CDKL2: variants seen among roughly 807,000 people sequenced by gnomAD.
CDKL2 encodes cyclin dependent kinase like 2, also known as cyclin-dependent kinase-like 2.
In CDKL2, 64 loss-of-function variants were observed where a neutral mutation model predicts 63.9. The observed-to-expected ratio is 1.00, with a 90% CI of 0.82 to 1.23. The LOEUF is 1.23. CDKL2 is among the 50% of genes most tolerant of loss of function. The probability of loss-of-function intolerance (pLI) is 0.00; values close to 1 mark genes in which losing one functional copy is unlikely to be tolerated. For synonymous variants in CDKL2, 211 were observed against 229.2 expected, an observed-to-expected ratio of 0.92 and a Z score of 0.72; for missense variants, 656 against 668.0, an observed-to-expected ratio of 0.98 and a Z score of 0.20.
At chr4:75,592,509 T>C (rs1200948366) in intron 10 of CDKL2, among the ~76,000 whole-genome samples, 1 of 152,210 alleles carries the variant, frequency 6.6e-6, no homozygotes, top group Admixed American at 6.5e-5. Flanking sequence ...TTTCTCCTTC[T>C]TCCTTTGCCA....
intron 4 of CDKL2, among the ~76,000 whole-genome samples, chr4:75,606,216 A>T (rs1303553682): frequency 7.6e-6 from 1 of 132,260 alleles, no homozygotes; most frequent in African/African-American, 2.6e-5. Flanking sequence ...GATAGGGATA[A>T]TTTTTTTTTT....
At chr4:75,614,739 C>A (rs974348556) in intron 2 of CDKL2, among the ~76,000 whole-genome samples, 4 of 151,626 alleles carry the variant, frequency 2.6e-5, no homozygotes, top group Non-Finnish European at 5.9e-5. Flanking sequence ...ACCCCCTACT[C>A]ACAACAAATG....
At chr4:75,622,523 A>C (rs1406846816) in intron 2 of CDKL2, among the ~76,000 whole-genome samples, 1 of 151,890 alleles carries the variant, frequency 6.6e-6, no homozygotes, top group East Asian at 1.9e-4. Flanking sequence ...GTTTGAGACC[A>C]GCCTGGCCGA....
intron 9 of CDKL2, 122 bp from the exon 10 acceptor site, chr4:75,596,462 C>A: frequency 7.8e-6 from 5 of 641,120 alleles, no homozygotes; most frequent in Non-Finnish European, 1.1e-5. Context: ...TGTCTATTCT[C>A]AAATATACAA....
intron 6 of CDKL2, among the ~76,000 whole-genome samples, chr4:75,603,280 G>A (rs550921986): frequency 2.8e-4 from 43 of 151,256 alleles, no homozygotes; most frequent in Non-Finnish European, 4.9e-4. Context: ...GATTACAGGC[G>A]TGAGCCACCG....
intron 3 of CDKL2, among the ~76,000 whole-genome samples, chr4:75,608,404 C>T (rs548823921): frequency 2.0e-5 from 3 of 152,050 alleles, no homozygotes; most frequent in East Asian, 3.9e-4. Context: ...GGATTACAGG[C>T]GTGAGCCACC....
intron 6 of CDKL2, among the ~76,000 whole-genome samples, chr4:75,603,078 C>T (rs1165314420): frequency 6.9e-6 from 1 of 144,428 alleles, no homozygotes; most frequent in Non-Finnish European, 1.5e-5. Context: ...CGGCTCACTG[C>T]AAGCTCCGCT....
At chr4:75,592,327 CCTT>C in intron 10 of CDKL2, 58 bp from the exon 11 acceptor site, 3 of 1,414,904 alleles carry the variant, frequency 2.1e-6, no homozygotes, top group Non-Finnish European at 2.8e-6. Flanking sequence ...GCTAGGCTTT[CCTT>C]CTTCTGTAAC....
rs952489014 is a variant in CDKL2, at chr4:75,591,819, C to T, written c.1647G>A (p.Gln549=). 1.0e-5 allele frequency: 16 copies of T among 1,525,478 alleles called. No homozygotes were observed. In the Admixed American group the frequency reaches 2.8e-4, roughly 26 times the overall value. 94.5% of individuals were successfully genotyped at this position (1,525,478 alleles called of 1,614,324 possible). ...DLHTPSITLH[Q]VSGPPLSDDS... is the part of the protein sequence containing the mutation. ...CATCCTATAAAGAGTATTTCTGTAC[C>T]TGATGTAATGTAATACTGGGGGTGT... is the stretch of plus-strand genomic sequence containing the variant. The change falls in exon 12 of 14, where the codon CAG becomes CAA. Residue 549 remains glutamine, a splice_region_variant and synonymous_variant. Coordinates refer to ENST00000307465, the MANE Select transcript of CDKL2 (RefSeq NM_001330724.2).
intron 2 of CDKL2, among the ~76,000 whole-genome samples, chr4:75,621,733 A>G (rs1277197768): frequency 6.6e-6 from 1 of 152,178 alleles, no homozygotes; most frequent in Non-Finnish European, 1.5e-5. Context: ...AGTAGAATAC[A>G]TACTTTTTTT....
At chr4:75,617,961 C>G (rs1486264221) in intron 2 of CDKL2, among the ~76,000 whole-genome samples, 4 of 151,808 alleles carry the variant, frequency 2.6e-5, no homozygotes, top group Admixed American at 2.6e-4. Context: ...ATTAGCCAGG[C>G]GTGGTGGCAG....
In CDKL2 at chr4:75,602,370, G is replaced by A. The variant is rs559327079; in HGVS notation, c.795+1447C>T. Reference sequence around the variant, plus strand: ...AATTTTTGTATTTTTAGTAGAGATGGGGTTTCACCATCTTGGCCAGGATGG... The same window carrying A: ...AATTTTTGTATTTTTAGTAGAGATGAGGTTTCACCATCTTGGCCAGGATGG... On this transcript the variant is annotated intron_variant, in intron 6 of 13. Transcript: ENST00000307465. Among the ~76,000 whole-genome samples, 117 of 152,186 alleles carry A rather than the reference G, an allele frequency of 7.7e-4. 1 individual carries two copies. The highest frequency in any genetic ancestry group is 2.8e-3 in the African/African-American group (115 of 41,524).
At position 75,607,258 on chromosome 4, in the gene CDKL2, T is replaced by G; in HGVS notation, c.467A>C (p.Glu156Ala). The stretch of plus-strand genomic sequence containing the variant: ...GGTTGCCACATAATCAGTATAAACC[T>G]CCCCAGGAGCTGCCAATGTTCGCGC... ...GFARTLAAPG[E>A]VYTDYVATRW... is the part of the protein sequence containing the mutation. Residue 156 changes from glutamate (E) to alanine (A), a missense_variant, in exon 4 of 14, where the codon GAG becomes GCG. Coordinates refer to ENST00000307465, the MANE Select transcript of CDKL2 (RefSeq NM_001330724.2). 6.2e-7 allele frequency: 1 copy of G among 1,614,062 alleles called. No individual in the cohort carries two copies. Among genetic ancestry groups the G allele is most frequent in the Non-Finnish European group, 8.5e-7 (1 of 1,179,960 alleles).
chr4:75,616,807 C>T (rs1729950030), intron 2 of CDKL2, among the ~76,000 whole-genome samples: 1 of 151,862 alleles, frequency 6.6e-6, no homozygotes, highest in African/African-American at 2.4e-5. Flanking sequence ...AGATCATGTC[C>T]TTTGCAGGGA....
At chr4:75,610,022 GA>G (rs1560587464) in intron 3 of CDKL2, among the ~76,000 whole-genome samples, 3 of 151,932 alleles carry the variant, frequency 2.0e-5, no homozygotes. Context: ...CTAATATAGT[GA>G]AACCCCGTCT....
In CDKL2 at chr4:75,595,976, A is replaced by G. The variant is rs3052982; in HGVS notation, c.1416+271T>C. ...AGAGAGGAAGGAAGGAAGGAAGGAA[A>G]GAAGGAAGGAAGGAAGGAAGGAAGG... is the stretch of plus-strand genomic sequence containing the variant. On this transcript the variant is annotated intron_variant, in intron 10 of 13. Coordinates refer to ENST00000307465, the MANE Select transcript of CDKL2 (RefSeq NM_001330724.2). 3.0e-3 allele frequency: 460 copies of G among 155,656 alleles called. 48 individuals are homozygous for G. The highest frequency in any genetic ancestry group is 0.012 in the East Asian group (40 of 3,334). The allele number at this position is 155,656 out of a possible 1,614,324, so 9.6% of individuals were successfully genotyped here. A position where few individuals can be genotyped will look rare whatever the true frequency, so the allele number is the denominator to read the frequency against.
chr4:75,624,211 T>C (rs1340470356), intron 2 of CDKL2, among the ~76,000 whole-genome samples: 4 of 151,678 alleles, frequency 2.6e-5, no homozygotes, highest in Admixed American at 1.3e-4. Flanking sequence ...TAACCAAAAT[T>C]AAGCTAATGC....
In CDKL2 at chr4:75,626,069, C is replaced by T. The variant is rs897261492; in HGVS notation, c.-29-52G>A. ...CAAAGTTGAGTACGTTAATTTCCTC[C>T]GCCTTCCCAGCAAATTAATTCTTCC... On this transcript the variant is annotated intron_variant, in intron 1 of 13. Coordinates refer to ENST00000307465, the MANE Select transcript of CDKL2 (RefSeq NM_001330724.2). 2.0e-5 allele frequency: 22 copies of T among 1,120,400 alleles called. No homozygotes were observed. The African/African-American group carries it at 2.8e-4, about 14-fold the overall frequency. 69.4% of individuals were successfully genotyped at this position (1,120,400 alleles called of 1,614,324 possible).
chr4:75,596,740 C>G (rs976342469), intron 9 of CDKL2, among the ~76,000 whole-genome samples, 195 bp downstream of exon 9: 1 of 152,146 alleles, frequency 6.6e-6, no homozygotes, highest in Non-Finnish European at 1.5e-5. Flanking sequence ...TTTCTCAGGA[C>G]TTTGGTGAAT....
Sources: gnomAD v4.1 joint callset for allele counts (sites outside exome capture counted in the v4.1 genomes callset) on GRCh38, gnomAD v4.1.1 for gene constraint, MANE v1.5 for transcripts, NCBI Gene and HGNC (gene_info 2026-07-23, HGNC 2026-07-21) for gene names.